ADAMTS8: variants seen among roughly 807,000 people sequenced by gnomAD.
ADAMTS8 encodes ADAM metallopeptidase with thrombospondin type 1 motif 8.
A neutral mutation model predicts 64.4 loss-of-function variants in ADAMTS8; 50 were observed. The ratio of observed to expected loss-of-function variants is 0.78; its 90% CI spans 0.62 to 0.98. ADAMTS8 has a LOEUF of 0.98. ADAMTS8 is among the 50% of genes least tolerant of loss of function. The probability of loss-of-function intolerance (pLI) is 0.00; values close to 1 mark genes in which losing one functional copy is unlikely to be tolerated. For synonymous variants in ADAMTS8, 556 were observed against 533.6 expected (o/e 1.04, Z -0.58); for missense variants, 1,192 against 1,208.2 (o/e 0.99, Z 0.20).
chr11:130,418,674 T>A (rs779566194), intron 2 of ADAMTS8, among the ~76,000 whole-genome samples: 4 of 152,208 alleles, frequency 2.6e-5, no homozygotes, highest in Non-Finnish European at 5.9e-5. Flanking sequence ...GCCCTCCTGC[T>A]GTGGGCAGAT....
rs1419098370 is a variant in ADAMTS8, at chr11:130,419,260, G to C, written c.753C>G (p.Ala251=). 1.2e-6 allele frequency: 2 copies of C among 1,613,864 alleles called. No individual in the cohort carries two copies. Among genetic ancestry groups the C allele is most frequent in the African/African-American group, 1.3e-5 (1 of 74,894 alleles). ...TGATGCTGGGGTGCTTGTAGATTCG[G>C]GCTGCCACAGACATTAACGTCAGGA... ...NHILTLMSVA[A]RIYKHPSIKN... The change falls in exon 2 of 9, where the codon GCC becomes GCG. Residue 251 remains alanine, a synonymous_variant. Transcript: ENST00000257359.
rs1862018986 is a variant in ADAMTS8, at chr11:130,416,043, G to C, written c.1264+120C>G. ...TGGTGTGAATGCCCCAGCGTGGGAG[G>C]CTGGCCGGGGACTCAGCTCTAAGGG... On this transcript the variant is annotated intron_variant, in intron 4 of 8. Transcript: ENST00000257359. The surrounding 1 kb of genome is among the most constrained non-coding windows in gnomAD (Gnocchi z 4.8). 3 of 1,226,138 alleles carry C rather than the reference G, an allele frequency of 2.4e-6. No homozygotes were observed. The highest frequency in any genetic ancestry group is 1.7e-5 in the South Asian group (1 of 60,386). 76.0% of individuals were successfully genotyped at this position (1,226,138 alleles called of 1,614,324 possible). A position where few individuals can be genotyped will look rare whatever the true frequency, so the allele number is the denominator to read the frequency against.
chr11:130,420,499 C>T (rs1480032403), intron 1 of ADAMTS8, among the ~76,000 whole-genome samples: 1 of 152,128 alleles, frequency 6.6e-6, no homozygotes, highest in Non-Finnish European at 1.5e-5. Flanking sequence ...CTTGCCCTGC[C>T]TCTCCGATCC....
At position 130,408,929 on chromosome 11, in the gene ADAMTS8, T is replaced by A; in HGVS notation, c.1762A>T (p.Arg588Trp). The A allele has an allele frequency of 1.3e-6, 2 of 1,538,096 alleles. No individual in the cohort carries two copies. The highest frequency in any genetic ancestry group is 1.8e-6 in the Non-Finnish European group (2 of 1,141,674). The change falls in exon 7 of 9, where the codon AGG (arginine) becomes TGG (tryptophan). Residue 588 changes from arginine to tryptophan, a missense_variant. Physicochemically the swap from Arg to Trp is moderately radical, Grantham distance 101. Coordinates refer to ENST00000257359, the MANE Select transcript of ADAMTS8 (RefSeq NM_007037.6). Reference protein sequence around the residue: ...EECPPDGKSFREQQCEKYNAY... With the variant: ...EECPPDGKSFWEQQCEKYNAY... ...TTATACTTCTCACACTGCTGCTCCCTGAAGCTTTTCCCTAGAAAGAGGAAG... is the reference window on the plus strand; with the variant it reads ...TTATACTTCTCACACTGCTGCTCCCAGAAGCTTTTCCCTAGAAAGAGGAAG...
At position 130,408,508 on chromosome 11, in the gene ADAMTS8, T is replaced by C; in HGVS notation, c.2055A>G (p.Lys685=). 3 of 1,614,002 alleles carry C rather than the reference T, an allele frequency of 1.9e-6. No individual in the cohort carries two copies. The highest frequency in any genetic ancestry group is 2.5e-6 in the Non-Finnish European group (3 of 1,179,982). Residue 685 remains lysine (K), a synonymous_variant, in exon 8 of 9, where the codon AAA becomes AAG. Transcript: ENST00000257359. ...CGGAGACCTTCCTGCAGGAGTTGCC[T>C]TTGCCCCCACACACCCCGCATTTGT... ...KLDKCGVCGG[K]GNSCRKVSGS...
chr11:130,426,846 C>T (rs1440029087), intron 1 of ADAMTS8, among the ~76,000 whole-genome samples: 2 of 152,252 alleles, frequency 1.3e-5, no homozygotes, highest in Admixed American at 6.5e-5. Context: ...CCCTGCGCCC[C>T]TCGCGTTTCC....
intron 7 of ADAMTS8, 39 bp downstream of exon 7, chr11:130,408,729 C>T (rs371895338): frequency 6.3e-5 from 101 of 1,612,800 alleles, no homozygotes; most frequent in Non-Finnish European, 6.3e-5. Context: ...GGCGACCTTC[C>T]TCCCCATCTC....
chr11:130,415,968 C>T (rs946333518), intron 4 of ADAMTS8, among the ~76,000 whole-genome samples, 195 bp downstream of exon 4: 3 of 152,180 alleles, frequency 2.0e-5, no homozygotes, highest in African/African-American at 7.2e-5. Context: ...TCTAAATTAG[C>T]GCAGAACTCG....
chr11:130,416,877 T>C lies in ADAMTS8; in HGVS notation c.1096+63A>G, dbSNP rs1862032620. 3.7e-6 allele frequency: 6 copies of C among 1,610,300 alleles called. No individual in the cohort carries two copies. Among genetic ancestry groups the C allele is most frequent in the Non-Finnish European group, 5.1e-6 (6 of 1,177,320 alleles). On this transcript the variant is annotated intron_variant, in intron 3 of 8. Transcript: ENST00000257359. The surrounding 1 kb of genome is among the most constrained non-coding windows in gnomAD (Gnocchi z 4.8). ...CATATTCCTTAGGATCTACGCAACC[T>C]TGGATCTGGAAGAGCAGTTCCCTCC...
rs1861978671 is a variant in ADAMTS8 at position 130,413,482 on chromosome 11, C to A, written c.1566+1049G>T. Among the ~76,000 whole-genome samples, 2 of 152,310 alleles carry A rather than the reference C, an allele frequency of 1.3e-5. 1 individual carries two copies. Among genetic ancestry groups the A allele is most frequent in the South Asian group, 4.1e-4 (2 of 4,830 alleles). The stretch of plus-strand genomic sequence containing the variant: ...CTTGGGCCACCCTGGCGATTCAGCG[C>A]TGGCGGGGACCGGGCTGTGAAACCC... On this transcript the variant is annotated intron_variant, in intron 5 of 8. Coordinates refer to ENST00000257359, the MANE Select transcript of ADAMTS8 (RefSeq NM_007037.6).
Position 130,416,107 on chromosome 11 carries a change from A to C in ADAMTS8, c.1264+56T>G, listed in dbSNP as rs1222546224. The C allele has an allele frequency of 2.7e-6, 4 of 1,494,718 alleles. No individual in the cohort carries two copies. The highest frequency in any genetic ancestry group is 3.6e-6 in the Non-Finnish European group (4 of 1,119,298). The allele number at this position is 1,494,718 out of a possible 1,614,324, so 92.6% of individuals were successfully genotyped here. A position where few individuals can be genotyped will look rare whatever the true frequency, so the allele number is the denominator to read the frequency against. ...CACAGCTGGAGGGGGTCTCTGCGCC[A>C]GCACCAGTGGAAGGAGGCCCACGGG... On this transcript the variant is annotated intron_variant, in intron 4 of 8. Transcript: ENST00000257359. The surrounding 1 kb of genome is among the most constrained non-coding windows in gnomAD (Gnocchi z 4.8).
Position 130,411,745 on chromosome 11 carries a change from G to T in ADAMTS8, c.1567-145C>A. On this transcript the variant is annotated intron_variant, in intron 5 of 8. Transcript: ENST00000257359. This position sits in a 1 kb window ranked among gnomAD's most constrained non-coding sequence, Gnocchi z 4.2. ...GTGCCGTAAACTGCCTCAATCATTT[G>T]TTTAATGACTGTGTGGCCTGCATGG... 1 of 798,628 alleles carries T rather than the reference G, an allele frequency of 1.3e-6. No homozygotes were observed. The allele number at this position is 798,628 out of a possible 1,614,324, so 49.5% of individuals were successfully genotyped here.
chr11:130,427,071 G>A (rs1862176121), intron 1 of ADAMTS8, among the ~76,000 whole-genome samples: 1 of 152,216 alleles, frequency 6.6e-6, no homozygotes, highest in South Asian at 2.1e-4. Flanking sequence ...TGCTTATGGC[G>A]ACCTCCATAC....
chr11:130,409,060 C>T (rs928219580), intron 6 of ADAMTS8, 120 bp from the exon 7 acceptor site: 52 of 1,145,898 alleles, frequency 4.5e-5, no homozygotes, highest in South Asian at 1.8e-4. Flanking sequence ...TCAACCCAGG[C>T]GCCCAGGGCC....
At position 130,428,228 on chromosome 11, in the gene ADAMTS8, A is replaced by G. The variant is rs1357522089; in HGVS notation, c.59T>C (p.Leu20Pro). The stretch of plus-strand genomic sequence containing the variant: ...CGGGGCGCCGCGGGCCAGCGGCAGC[A>G]GCAGCAGCAGCAGCAGCAGGAGCGG... ...WPPLLLLLLL[L>P]LPLARGAPAR... is the part of the protein sequence containing the mutation. The change falls in exon 1 of 9, where the codon CTG becomes CCG. Residue 20 changes from leucine to proline, a missense_variant. Leu to Pro is a moderately conservative substitution (Grantham distance 98). Around this residue, in one of 5 missense-constraint regions of ADAMTS8, gnomAD observed 741 missense variants for 710.6 expected, o/e 1.04. Transcript: ENST00000257359. 1 of 932,546 alleles carries G rather than the reference A, an allele frequency of 1.1e-6. No individual in the cohort carries two copies. The allele number at this position is 932,546 out of a possible 1,614,324, so 57.8% of individuals were successfully genotyped here. A position where few individuals can be genotyped will look rare whatever the true frequency, so the allele number is the denominator to read the frequency against.
chr11:130,412,099 T>C (rs1007360959), intron 5 of ADAMTS8: 1 of 156,786 alleles, frequency 6.4e-6, no homozygotes, highest in Non-Finnish European at 1.4e-5. Context: ...CAGTCCTAAG[T>C]GTCCCTAGTG....
rs779753364 is a variant in ADAMTS8, at chr11:130,414,829, T to C, written c.1268A>G (p.Asp423Gly). 2 of 1,604,400 alleles carry C rather than the reference T, an allele frequency of 1.2e-6. No homozygotes were observed. The highest frequency in any genetic ancestry group is 1.7e-6 in the Non-Finnish European group (2 of 1,174,406). Residue 423 changes from aspartate (D) to glycine (G), a missense_variant, in exon 5 of 9, where the codon GAC (aspartate) becomes GGC (glycine). Around this residue, in one of 5 missense-constraint regions of ADAMTS8, gnomAD observed 741 missense variants for 710.6 expected, o/e 1.04. Transcript: ENST00000257359. Reference sequence around the variant, plus strand: ...CGCAGCAGGGGCATCCAGGAGACAGTCTCCTGGGAAAAGAGGAAGCAGGGG... The same window carrying C: ...CGCAGCAGGGGCATCCAGGAGACAGCCTCCTGGGAAAAGAGGAAGCAGGGG... ...LTELLDGGHG[D>G]CLLDAPAAAL...
chr11:130,415,132 A>C lies in ADAMTS8; in HGVS notation c.1265-300T>G, dbSNP rs78903105. 4.7e-3 allele frequency among the ~76,000 whole-genome samples: 718 copies of C among 152,222 alleles called. 10 individuals are homozygous for C. Among genetic ancestry groups the C allele is most frequent in the African/African-American group, 0.017 (705 of 41,552 alleles). Reference sequence around the variant, plus strand: ...CAATATTCATCCATATCACAACCTAACCGTGCTCCTGAAAGCCACAGCATG... The same window carrying C: ...CAATATTCATCCATATCACAACCTACCCGTGCTCCTGAAAGCCACAGCATG... On this transcript the variant is annotated intron_variant, in intron 4 of 8. Transcript: ENST00000257359.
intron 1 of ADAMTS8, among the ~76,000 whole-genome samples, chr11:130,426,984 C>T (rs931836255): frequency 6.6e-6 from 1 of 152,248 alleles, no homozygotes; most frequent in Non-Finnish European, 1.5e-5. Context: ...GTCCATGCCC[C>T]ATTGATCACA....
Sources: gnomAD v4.1 joint callset for allele counts (sites outside exome capture counted in the v4.1 genomes callset) on GRCh38, gnomAD v4.1.1 for gene constraint, gnomAD v4.1.1 regional missense constraint, Gnocchi (gnomAD v3.1) non-coding constraint, MANE v1.5 for transcripts, NCBI Gene and HGNC (gene_info 2026-07-23, HGNC 2026-07-21) for gene names.